The following QTGAL variants were observed in gnomAD, a reference collection of about 807,000 sequenced individuals.
The protein encoded by QTGAL is queuosine-tRNA galactosyltransferase, also known as BGnT-like protein 1.
chr17:83,047,796 C>G, the QTGAL span, among the ~76,000 whole-genome samples: 4 of 150,916 alleles, frequency 2.7e-5, no homozygotes, highest in African/African-American at 7.3e-5. Context: ...TAAATCCCTA[C>G]CAAAGAATAA....
chr17:82,960,811 T>C, the QTGAL span, among the ~76,000 whole-genome samples: 5 of 152,348 alleles, frequency 3.3e-5, no homozygotes, highest in South Asian at 8.3e-4. Context: ...CTCTGGGAAC[T>C]AGGGAAGGAC....
chr17:82,942,415 T>C, the QTGAL span: 1 of 1,613,922 alleles, frequency 6.2e-7, no homozygotes, highest in Non-Finnish European at 8.5e-7. Flanking sequence ...GTGTTGGAGC[T>C]GACCAGCCTG....
At chr17:83,033,467 G>C in the QTGAL span, among the ~76,000 whole-genome samples, 29,369 of 149,140 alleles carry the variant, frequency 0.2, 3,420 homozygotes, top group East Asian at 0.4. Context: ...AAAATACTAA[G>C]TTATATGCTT....
the QTGAL span, among the ~76,000 whole-genome samples, chr17:82,959,233 G>A: frequency 6.6e-6 from 1 of 151,874 alleles, no homozygotes; most frequent in South Asian, 2.1e-4. Context: ...GTACTGTGTG[G>A]ATGTGTGTAC....
chr17:82,956,350 T>C, the QTGAL span, among the ~76,000 whole-genome samples: 1 of 152,204 alleles, frequency 6.6e-6, no homozygotes, highest in Non-Finnish European at 1.5e-5. This position sits in a 1 kb window ranked among gnomAD's most constrained non-coding sequence, Gnocchi z 5.7. Flanking sequence ...CTGGAGGTCC[T>C]GGCCTTGGCC....
the QTGAL span, among the ~76,000 whole-genome samples, chr17:82,954,767 C>G: frequency 6.6e-6 from 1 of 152,206 alleles, no homozygotes; most frequent in African/African-American, 2.4e-5. Context: ...CAGCATGGTA[C>G]TGGTACCAAA....
chr17:83,038,902 A>ATG, the QTGAL span, among the ~76,000 whole-genome samples: 9 of 140,954 alleles, frequency 6.4e-5, no homozygotes, highest in South Asian at 2.3e-4. Context: ...AGTAGTTTCA[A>ATG]AAACCAATTT....
At chr17:82,967,298 G>A in the QTGAL span, among the ~76,000 whole-genome samples, 1 of 152,204 alleles carries the variant, frequency 6.6e-6, no homozygotes, top group Non-Finnish European at 1.5e-5. Flanking sequence ...GCCAGCATCT[G>A]TACGTTCCTG....
the QTGAL span, chr17:82,942,711 G>A: frequency 3.4e-6 from 2 of 596,508 alleles, no homozygotes; most frequent in South Asian, 2.0e-5. Context: ...AGAAGTTCCT[G>A]CCTTTTGTCT....
the QTGAL span, among the ~76,000 whole-genome samples, chr17:83,045,504 TGA>T: frequency 1.3e-5 from 2 of 152,242 alleles, no homozygotes; most frequent in African/African-American, 4.8e-5. Flanking sequence ...AAAATCTTCG[TGA>T]CCTTGATTTA....
At chr17:83,039,139 G>T in the QTGAL span, among the ~76,000 whole-genome samples, 1 of 151,668 alleles carries the variant, frequency 6.6e-6, no homozygotes, top group Non-Finnish European at 1.5e-5. Flanking sequence ...GGCAGAACAG[G>T]CACTCACCTC....
chr17:83,051,707 CG>C, the QTGAL span: 1 of 1,466,086 alleles, frequency 6.8e-7, no homozygotes, highest in African/African-American at 1.5e-5. Flanking sequence ...CCAGCCTGCA[CG>C]GCGGGGCACC....
chr17:83,033,096 G>T, the QTGAL span, among the ~76,000 whole-genome samples: 7,794 of 152,302 alleles, frequency 0.051, 380 homozygotes, highest in African/African-American at 0.13. Context: ...CCACAGAGGA[G>T]GGACAGATAC....
the QTGAL span, among the ~76,000 whole-genome samples, chr17:82,967,839 G>A: frequency 6.6e-5 from 10 of 151,996 alleles, no homozygotes; most frequent in African/African-American, 2.2e-4. Context: ...GGAGGCTGAG[G>A]TGGGAGGATC....
chr17:82,986,184 C>T, the QTGAL span, among the ~76,000 whole-genome samples: 11 of 152,346 alleles, frequency 7.2e-5, no homozygotes, highest in African/African-American at 1.4e-4. Context: ...CCCGTGAACT[C>T]GGCTGCAGCC....
At chr17:83,007,237 T>C in the QTGAL span, 10 of 985,430 alleles carry the variant, frequency 1.0e-5, no homozygotes, top group Non-Finnish European at 1.2e-5. Flanking sequence ...AAGCACATGC[T>C]AAAAATAGTT....
the QTGAL span, among the ~76,000 whole-genome samples, chr17:82,995,946 T>C: frequency 6.6e-6 from 1 of 151,080 alleles, no homozygotes; most frequent in Non-Finnish European, 1.5e-5. Context: ...ATGAAAACTA[T>C]AAAACACTGA....
chr17:83,045,883 C>T, the QTGAL span, among the ~76,000 whole-genome samples: 20,219 of 151,226 alleles, frequency 0.13, 1,482 homozygotes, highest in African/African-American at 0.19. Context: ...GGTACGATCT[C>T]GGCTCACAGC....
the QTGAL span, chr17:82,961,377 C>A: frequency 1.6e-5 from 6 of 373,828 alleles, no homozygotes; most frequent in South Asian, 5.5e-5. Flanking sequence ...AGCTTCTCCA[C>A]AGGCGGGAAA....
Sources: allele counts gnomAD v4.1 joint callset (sites outside exome capture counted in the v4.1 genomes callset), GRCh38; gene constraint gnomAD v4.1.1; non-coding constraint Gnocchi (gnomAD v3.1); transcripts MANE v1.5; gene names NCBI Gene and HGNC (gene_info 2026-07-23, HGNC 2026-07-21).